The following ABHD2 variants were observed in gnomAD, a reference collection of about 807,000 sequenced individuals.
The protein encoded by ABHD2 is abhydrolase domain containing 2, acylglycerol lipase.
Under a neutral mutation model 48.1 loss-of-function variants are expected in ABHD2, and 20 were observed. That is an observed-to-expected ratio of 0.42 (90% CI 0.29 to 0.60). The LOEUF (loss-of-function observed/expected upper bound fraction) is 0.60. ABHD2 is among the 20% of genes least tolerant of loss of function. The pLI is 0.24. For missense variants in ABHD2, 405 were observed against 550.9 expected (o/e 0.74, Z 2.65); for synonymous variants, 209 against 214.2 (o/e 0.98, Z 0.21).
chr15:89,067,040 T>C, the ABHD2 span, among the ~76,000 whole-genome samples: 1 of 152,094 alleles, frequency 6.6e-6, no homozygotes, highest in African/African-American at 2.4e-5. Context: ...AGGAAGGAGA[T>C]GTGAATTGAT....
chr15:89,044,302 A>G, the ABHD2 span, among the ~76,000 whole-genome samples: 1 of 152,298 alleles, frequency 6.6e-6, no homozygotes, highest in East Asian at 1.9e-4. Flanking sequence ...CCAGTCTATC[A>G]TTGTTGGACA....
intron 3 of ABHD2, among the ~76,000 whole-genome samples, chr15:89,130,316 T>A (rs2050199066): frequency 6.6e-6 from 1 of 152,288 alleles, no homozygotes; most frequent in East Asian, 1.9e-4. Flanking sequence ...CCCCAGCTGA[T>A]GGAGGTGACA....
At chr15:89,163,666 G>A (rs964042439) in intron 5 of ABHD2, among the ~76,000 whole-genome samples, 4 of 152,240 alleles carry the variant, frequency 2.6e-5, no homozygotes. Flanking sequence ...AGAATACAGA[G>A]GAGCAGGTGT....
chr15:89,112,559 A>G (rs1360964308), intron 1 of ABHD2, among the ~76,000 whole-genome samples: 2 of 152,174 alleles, frequency 1.3e-5, no homozygotes, highest in Non-Finnish European at 1.5e-5. Flanking sequence ...GCTGGGCAAG[A>G]CTGTTCTGAA....
chr15:89,116,267 G>T lies in ABHD2; in HGVS notation c.-6-55G>T. On this transcript the variant is annotated intron_variant, in intron 2 of 10. Transcript: ENST00000352732. This position sits in a 1 kb window ranked among gnomAD's most constrained non-coding sequence, Gnocchi z 4.6. Reference sequence around the variant, plus strand: ...CCACCATGCGTCTGTAGGGTGGTGGGCACCACCCGTCCTCACTGTGCTTGT... The same window carrying T: ...CCACCATGCGTCTGTAGGGTGGTGGTCACCACCCGTCCTCACTGTGCTTGT... 1 of 1,507,010 alleles carries T rather than the reference G, an allele frequency of 6.6e-7. No individual in the cohort carries two copies. The highest frequency in any genetic ancestry group is 9.1e-7 in the Non-Finnish European group (1 of 1,103,170). 93.4% of individuals were successfully genotyped at this position (1,507,010 alleles called of 1,614,324 possible). A position where few individuals can be genotyped will look rare whatever the true frequency, so the allele number is the denominator to read the frequency against.
intron 1 of ABHD2, among the ~76,000 whole-genome samples, chr15:89,095,987 A>C (rs1030297108): frequency 9.2e-5 from 14 of 152,194 alleles, no homozygotes; most frequent in African/African-American, 3.4e-4. Flanking sequence ...AAAAATACAG[A>C]GATGAACTTC....
chr15:89,167,463 C>T lies in ABHD2; in HGVS notation c.539-8349C>T, dbSNP rs1567100655. ...AGATCGTCTGCTGAGAGCCAGGGGC[C>T]AGGAGCTTCAGGAAGTGTGTCAGGG... On this transcript the variant is annotated intron_variant, in intron 5 of 10. Transcript: ENST00000352732. This position sits in a 1 kb window ranked among gnomAD's most constrained non-coding sequence, Gnocchi z 5.5. 6.6e-6 allele frequency among the ~76,000 whole-genome samples: 1 copy of T among 152,230 alleles called. No homozygotes were observed. The highest frequency in any genetic ancestry group is 1.9e-4 in the East Asian group (1 of 5,180).
At chr15:89,084,209 TAAAAAA>T (rs3049684), upstream of ABHD2, among the ~76,000 whole-genome samples, 1 of 138,790 alleles carries the variant, frequency 7.2e-6, no homozygotes. The surrounding 1 kb of genome is among the most constrained non-coding windows in gnomAD (Gnocchi z 4.4). Context: ...TTTGCTAGTG[TAAAAAA>T]AAAAAAAAAA....
rs2051013842 is a variant in ABHD2, at chr15:89,176,389, T to G, written c.722+394T>G. On this transcript the variant is annotated intron_variant, in intron 6 of 10. Transcript: ENST00000352732. This position sits in a 1 kb window ranked among gnomAD's most constrained non-coding sequence, Gnocchi z 4.5. ...GAAAGCTGGGCCTTGGGATCCCAGATCCCTCCTTCCTGCAAGAGATGAGTC... is the reference window on the plus strand; with the variant it reads ...GAAAGCTGGGCCTTGGGATCCCAGAGCCCTCCTTCCTGCAAGAGATGAGTC... 6.6e-6 allele frequency among the ~76,000 whole-genome samples: 1 copy of G among 152,158 alleles called. No homozygotes were observed. Among genetic ancestry groups the G allele is most frequent in the Non-Finnish European group, 1.5e-5 (1 of 68,036 alleles).
At chr15:89,046,191 G>T in the ABHD2 span, among the ~76,000 whole-genome samples, 5 of 152,158 alleles carry the variant, frequency 3.3e-5, no homozygotes, top group Admixed American at 1.3e-4. Context: ...TTATGTGCTG[G>T]ATTACGTTTA....
intron 1 of ABHD2, among the ~76,000 whole-genome samples, chr15:89,107,869 C>A (rs1482249361): frequency 2.0e-5 from 3 of 152,262 alleles, no homozygotes; most frequent in African/African-American, 4.8e-5. Context: ...GAAGAGAGAT[C>A]TCCCCCTCCC....
At chr15:89,085,672 G>A (rs1901335420), upstream of ABHD2, among the ~76,000 whole-genome samples, 1 of 152,176 alleles carries the variant, frequency 6.6e-6, no homozygotes, top group South Asian at 2.1e-4. The surrounding 1 kb of genome is among the most constrained non-coding windows in gnomAD (Gnocchi z 4.2). Flanking sequence ...TTCTGGAACT[G>A]GTGGCTGAAC....
At position 89,195,127 on chromosome 15, in the gene ABHD2, T is replaced by A. The variant is rs565926740; in HGVS notation, c.1082-100T>A. On this transcript the variant is annotated intron_variant, in intron 10 of 10. Coordinates refer to ENST00000352732, the MANE Select transcript of ABHD2 (RefSeq NM_152924.5). The surrounding 1 kb of genome is among the most constrained non-coding windows in gnomAD (Gnocchi z 5.1). ...GGTTGGATGCCCACTTAGGTGACCC[T>A]GCGGGGACAGCCAGGCTACCCTAGC... 2,216 of 1,396,782 alleles carry A rather than the reference T, an allele frequency of 1.6e-3. 54 individuals carry two copies. In the South Asian group the frequency reaches 0.028, roughly 18 times the overall value. The allele number at this position is 1,396,782 out of a possible 1,614,324, so 86.5% of individuals were successfully genotyped here.
chr15:89,140,337 A>T (rs928538782), intron 3 of ABHD2, among the ~76,000 whole-genome samples: 28 of 152,204 alleles, frequency 1.8e-4, no homozygotes, highest in African/African-American at 6.5e-4. Context: ...GTTCCAGGCA[A>T]ATACTGGAGG....
intron 3 of ABHD2, among the ~76,000 whole-genome samples, chr15:89,121,347 G>C (rs920575411): frequency 1.3e-5 from 2 of 152,104 alleles, no homozygotes; most frequent in African/African-American, 4.8e-5. Flanking sequence ...AGGACCCTGG[G>C]AGAGGGTCCC....
the ABHD2 span, among the ~76,000 whole-genome samples, chr15:89,073,426 G>C: frequency 6.6e-6 from 1 of 152,140 alleles, no homozygotes; most frequent in African/African-American, 2.4e-5. Context: ...CTCCCAAGTA[G>C]CTAGGATTAC....
At chr15:89,109,291 T>G (rs1456626029) in intron 1 of ABHD2, among the ~76,000 whole-genome samples, 2 of 152,252 alleles carry the variant, frequency 1.3e-5, no homozygotes, top group East Asian at 3.8e-4. Flanking sequence ...GTTGGGCATT[T>G]GGTAGCACCT....
intron 5 of ABHD2, among the ~76,000 whole-genome samples, chr15:89,159,929 T>C (rs966316043): frequency 6.6e-6 from 1 of 152,232 alleles, no homozygotes; most frequent in East Asian, 1.9e-4. Context: ...TATCAGTACA[T>C]GTTTTACTTG....
chr15:89,103,445 A>G (rs1046112478), intron 1 of ABHD2, among the ~76,000 whole-genome samples: 6 of 152,208 alleles, frequency 3.9e-5, no homozygotes. Context: ...ACAAATCTTC[A>G]TAATGTTTAG....
Sources: gnomAD v4.1 joint callset for allele counts (sites outside exome capture counted in the v4.1 genomes callset) on GRCh38, gnomAD v4.1.1 for gene constraint, Gnocchi (gnomAD v3.1) non-coding constraint, MANE v1.5 for transcripts, NCBI Gene and HGNC (gene_info 2026-07-23, HGNC 2026-07-21) for gene names.